SGCZ: variants seen among roughly 807,000 people sequenced by gnomAD.
SGCZ encodes zeta-sarcoglycan.
Under a neutral mutation model 41.3 loss-of-function variants are expected in SGCZ, and 40 were observed. The observed-to-expected ratio is 0.97, with a 90% CI of 0.75 to 1.26. The LOEUF (loss-of-function observed/expected upper bound fraction) is 1.26, where lower values mean the gene tolerates loss of function less well. SGCZ is among the 50% of genes most tolerant of loss of function. The pLI is 0.00. For missense variants in SGCZ, 552 were observed against 369.8 expected (o/e 1.49, Z -4.04); for synonymous variants, 206 against 137.5 (o/e 1.50, Z -3.49).
At chr8:14,380,612 G>C (rs1038893888) in intron 2 of SGCZ, among the ~76,000 whole-genome samples, 3 of 152,064 alleles carry the variant, frequency 2.0e-5, no homozygotes, top group Non-Finnish European at 2.9e-5. Flanking sequence ...CCAGTACTTT[G>C]GGAGGCCAAG....
chr8:14,362,950 G>A (rs552383729), intron 2 of SGCZ, among the ~76,000 whole-genome samples: 2 of 152,216 alleles, frequency 1.3e-5, no homozygotes, highest in East Asian at 3.9e-4. Flanking sequence ...GTACAATGTG[G>A]TAAGATGTGA....
chr8:14,574,538 G>A (rs996568881), intron 1 of SGCZ, among the ~76,000 whole-genome samples: 2 of 152,124 alleles, frequency 1.3e-5, no homozygotes, highest in Non-Finnish European at 2.9e-5. Flanking sequence ...GAGCAGACAG[G>A]ACTTGCTAGG....
intron 2 of SGCZ, among the ~76,000 whole-genome samples, chr8:14,329,110 G>C (rs896090742): frequency 6.6e-6 from 1 of 152,012 alleles, no homozygotes; most frequent in East Asian, 1.9e-4. Flanking sequence ...TGTTATAGTA[G>C]CAAAAACTGA....
In SGCZ at chr8:14,777,440, C is replaced by G. The variant is rs1009834731; in HGVS notation, c.40-222514G>C. 3.9e-5 allele frequency among the ~76,000 whole-genome samples: 6 copies of G among 152,088 alleles called. 1 individual carries two copies. Among genetic ancestry groups the G allele is most frequent in the Admixed American group, 2.6e-4 (4 of 15,264 alleles). On this transcript the variant is annotated intron_variant, in intron 1 of 7. Coordinates refer to ENST00000382080, the MANE Select transcript of SGCZ (RefSeq NM_139167.4). ...ATGATTAACGCAAACGAACAAATTA[C>G]CACAGTTTAAGAATATTAAAATTCG...
At chr8:14,407,727 G>GA (rs1365074571) in intron 2 of SGCZ, among the ~76,000 whole-genome samples, 1 of 152,132 alleles carries the variant, frequency 6.6e-6, no homozygotes, top group African/African-American at 2.4e-5. Flanking sequence ...CATTTGTTGT[G>GA]AAAAGATCAT....
chr8:14,408,566 C>T (rs1414950960), intron 2 of SGCZ, among the ~76,000 whole-genome samples: 11 of 152,160 alleles, frequency 7.2e-5, no homozygotes, highest in African/African-American at 2.7e-4. Flanking sequence ...TTCTTTTCCA[C>T]AGTGGCTAGA....
intron 3 of SGCZ, among the ~76,000 whole-genome samples, chr8:14,253,945 C>A (rs202053887): frequency 4.8e-5 from 6 of 126,276 alleles, no homozygotes; most frequent in Middle Eastern, 4.1e-3. Context: ...TTCTGCTTTT[C>A]ATGAAACATT....
Position 14,683,778 on chromosome 8 carries a change from G to A in SGCZ, c.40-128852C>T, listed in dbSNP as rs370271575. 9.9e-5 allele frequency among the ~76,000 whole-genome samples: 15 copies of A among 152,118 alleles called. No individual in the cohort carries two copies. The South Asian group carries it at 3.1e-3, about 32-fold the overall frequency. On this transcript the variant is annotated intron_variant, in intron 1 of 7. Transcript: ENST00000382080. ...AAAATATTGCCATCATTCTTGTACA[G>A]AACCATAGCATTTTAGGGCTCGAGA...
chr8:14,309,390 G>GA, intron 3 of SGCZ: 1 of 1,605,724 alleles, frequency 6.2e-7, no homozygotes, highest in Non-Finnish European at 8.5e-7. Flanking sequence ...CAGAGACGAA[G>GA]TGACCTCGAT....
At chr8:14,543,527 A>T (rs1803532466) in intron 2 of SGCZ, among the ~76,000 whole-genome samples, 1 of 152,098 alleles carries the variant, frequency 6.6e-6, no homozygotes, top group Non-Finnish European at 1.5e-5. Context: ...GGGCACAAAA[A>T]GTATTGTGTA....
chr8:14,789,602 G>C (rs1176822454), intron 1 of SGCZ, among the ~76,000 whole-genome samples: 1 of 152,128 alleles, frequency 6.6e-6, no homozygotes, highest in Non-Finnish European at 1.5e-5. Flanking sequence ...TTCTTGTGGA[G>C]TCATGATTCT....
chr8:14,834,561 C>T (rs977507231), intron 1 of SGCZ, among the ~76,000 whole-genome samples: 1 of 152,080 alleles, frequency 6.6e-6, no homozygotes. Context: ...AGAGCATTCC[C>T]GATCTGAAAA....
At chr8:14,457,663 T>C (rs945889736) in intron 2 of SGCZ, among the ~76,000 whole-genome samples, 3 of 152,184 alleles carry the variant, frequency 2.0e-5, no homozygotes, top group Non-Finnish European at 2.9e-5. Flanking sequence ...AAATAGTCCC[T>C]GATATGCAGA....
intron 1 of SGCZ, among the ~76,000 whole-genome samples, chr8:14,734,901 T>C (rs1233414290): frequency 6.6e-6 from 1 of 152,216 alleles, no homozygotes; most frequent in African/African-American, 2.4e-5. Context: ...ACGTTAGTTT[T>C]CTCTTGTTTA....
intron 1 of SGCZ, among the ~76,000 whole-genome samples, chr8:15,164,228 T>G (rs1799590001): frequency 6.6e-6 from 1 of 152,168 alleles, no homozygotes; most frequent in Non-Finnish European, 1.5e-5. Flanking sequence ...TGAGAAGTGG[T>G]GAGTGAAATG....
intron 1 of SGCZ, among the ~76,000 whole-genome samples, chr8:14,695,058 T>C (rs1446319921): frequency 1.3e-5 from 2 of 152,164 alleles, no homozygotes; most frequent in African/African-American, 4.8e-5. Flanking sequence ...AAACTCCTCC[T>C]CTTGCCTGAA....
intron 1 of SGCZ, among the ~76,000 whole-genome samples, chr8:15,172,131 G>GA (rs1414313909): frequency 1.6e-5 from 2 of 121,296 alleles, no homozygotes; most frequent in Non-Finnish European, 1.7e-5. Context: ...TAGTTTAAAG[G>GA]AAAAAAATGC....
At chr8:14,708,812 A>AGTGTGTGTGTGTGTGTGT (rs61049816) in intron 1 of SGCZ, among the ~76,000 whole-genome samples, 21 of 148,694 alleles carry the variant, frequency 1.4e-4, no homozygotes, top group African/African-American at 3.2e-4. Flanking sequence ...GTTTTATTCG[A>AGTGTGTGTGTGTGTGTGT]GTGTGTGTGT....
chr8:14,309,588 C>A lies in SGCZ; in HGVS notation c.336+14515G>T, dbSNP rs1185126949. 4.3e-6 allele frequency: 7 copies of A among 1,610,694 alleles called. No homozygotes were observed. In the Admixed American group the frequency reaches 5.0e-5, roughly 12 times the overall value. On this transcript the variant is annotated intron_variant, in intron 3 of 7. Coordinates refer to ENST00000382080, the MANE Select transcript of SGCZ (RefSeq NM_139167.4). ...GTATAACAAGGAAAGGTTAGGACTT[C>A]ATCCAAAGATAGTGACTGGTTATCA... is the stretch of plus-strand genomic sequence containing the variant.
Sources: allele counts gnomAD v4.1 joint callset (sites outside exome capture counted in the v4.1 genomes callset), GRCh38; gene constraint gnomAD v4.1.1; transcripts MANE v1.5; gene names NCBI Gene and HGNC (gene_info 2026-07-23, HGNC 2026-07-21).